The following NSUN6 variants were observed in gnomAD, a reference collection of about 807,000 sequenced individuals.
NSUN6 encodes the protein NOP2/Sun RNA methyltransferase 6.
A neutral mutation model predicts 58.0 loss-of-function variants in NSUN6; 64 were observed. The ratio of observed to expected loss-of-function variants is 1.10; its 90% CI spans 0.90 to 1.36. The LOEUF is 1.36. Among genes scored for constraint, NSUN6 ranks in the 40% most tolerant of loss-of-function variants. The probability of loss-of-function intolerance (pLI) is 0.00; values close to 1 mark genes in which losing one functional copy is unlikely to be tolerated. For synonymous variants in NSUN6, 231 were observed against 193.9 expected (o/e 1.19, Z -1.59); for missense variants, 701 against 550.1 (o/e 1.27, Z -2.74).
chr10:18,585,965 C>G lies in NSUN6; in HGVS notation c.906G>C (p.Met302Ile). 2.5e-6 allele frequency: 4 copies of G among 1,605,624 alleles called. No homozygotes were observed. In the South Asian group the frequency reaches 4.5e-5, roughly 18 times the overall value. ...ATAGCTCACCTTCTGTGTCCTCCAC[C>G]ATATCAAGTTTAACCGCCTTTGTTC... ...FDGTKAVKLD[M>I]VEDTEGEPPF... The change falls in exon 8 of 11, where the codon ATG becomes ATC. Residue 302 changes from methionine (M) to isoleucine (I), a missense_variant. By Grantham distance (10) the Met-to-Ile change is conservative. Transcript: ENST00000377304.
chr10:18,646,239 G>A (rs1010833281), intron 2 of NSUN6, among the ~76,000 whole-genome samples: 9 of 152,108 alleles, frequency 5.9e-5, no homozygotes, highest in African/African-American at 2.2e-4. Context: ...CACAGATATT[G>A]GGGAGAAAAC....
intron 3 of NSUN6, among the ~76,000 whole-genome samples, chr10:18,627,550 G>C (rs191051687): frequency 6.6e-6 from 1 of 152,204 alleles, no homozygotes; most frequent in Non-Finnish European, 1.5e-5. Flanking sequence ...GTCAGTGGGT[G>C]CGCGCACCGT....
chr10:18,608,900 A>G (rs558812715), intron 6 of NSUN6, among the ~76,000 whole-genome samples: 4 of 152,378 alleles, frequency 2.6e-5, no homozygotes, highest in Admixed American at 2.0e-4. Context: ...GTTAGGTTAT[A>G]TATCCTAATG....
In NSUN6 at chr10:18,640,547, T is replaced by C. The variant is rs143296451; in HGVS notation, c.311+1929A>G. Among the ~76,000 whole-genome samples the C allele has an allele frequency of 8.6e-4, 131 of 152,308 alleles. 2 individuals carry two copies. The East Asian group carries it at 0.023, about 27-fold the overall frequency. Reference sequence around the variant, plus strand: ...AAAGATCTGTGATTATGGTCTATTATAGTAGCAGCTAACTGGTCCAAAACT... The same window carrying C: ...AAAGATCTGTGATTATGGTCTATTACAGTAGCAGCTAACTGGTCCAAAACT... On this transcript the variant is annotated intron_variant, in intron 3 of 10. Transcript: ENST00000377304.
At chr10:18,617,185 G>GTTTTTTTTT (rs35698731) in intron 3 of NSUN6, among the ~76,000 whole-genome samples, 1 of 127,666 alleles carries the variant, frequency 7.8e-6, no homozygotes, top group Non-Finnish European at 1.6e-5. Context: ...AGCCTTTCTA[G>GTTTTTTTTT]TTTTTTTTTT....
intron 6 of NSUN6, among the ~76,000 whole-genome samples, chr10:18,607,246 G>A (rs1022088703): frequency 5.9e-5 from 9 of 152,050 alleles, no homozygotes; most frequent in African/African-American, 1.4e-4. Flanking sequence ...TTTCAAATGC[G>A]TTTTATATTA....
intron 2 of NSUN6, among the ~76,000 whole-genome samples, chr10:18,645,410 T>C (rs1165546262): frequency 1.3e-5 from 2 of 152,224 alleles, no homozygotes; most frequent in African/African-American, 2.4e-5. Flanking sequence ...CATGTTAGAC[T>C]TGGGTCCCAC....
chr10:18,600,657 G>A (rs2057768826), intron 6 of NSUN6, among the ~76,000 whole-genome samples: 1 of 151,952 alleles, frequency 6.6e-6, no homozygotes, highest in South Asian at 2.1e-4. Flanking sequence ...GGCCGGTGCA[G>A]TGGCTCATGC....
chr10:18,605,267 T>C (rs1480116212), intron 6 of NSUN6, among the ~76,000 whole-genome samples: 1 of 151,878 alleles, frequency 6.6e-6, no homozygotes, highest in Non-Finnish European at 1.5e-5. Flanking sequence ...AATGGGCTCC[T>C]ACAGGCCAAA....
chr10:18,579,489 A>C (rs1051789605), intron 8 of NSUN6, among the ~76,000 whole-genome samples: 10 of 152,048 alleles, frequency 6.6e-5, no homozygotes, highest in Non-Finnish European at 1.3e-4. Flanking sequence ...TATTCATTAA[A>C]CGCTTTTTCA....
chr10:18,569,018 C>T (rs1187350196), intron 8 of NSUN6, among the ~76,000 whole-genome samples: 1 of 149,260 alleles, frequency 6.7e-6, no homozygotes, highest in Non-Finnish European at 1.5e-5. Flanking sequence ...TATATTCTCC[C>T]TTCCATTACA....
intron 3 of NSUN6, among the ~76,000 whole-genome samples, chr10:18,627,375 T>A (rs1387065383): frequency 6.6e-6 from 1 of 152,148 alleles, no homozygotes; most frequent in Admixed American, 6.5e-5. Flanking sequence ...CTAAATCCCA[T>A]GGAAATGAAA....
intron 2 of NSUN6, among the ~76,000 whole-genome samples, chr10:18,644,953 T>A (rs2059500870): frequency 6.6e-6 from 1 of 150,512 alleles, no homozygotes; most frequent in Non-Finnish European, 1.5e-5. Flanking sequence ...AGGTTAGAGG[T>A]TTGAGACCAG....
chr10:18,611,855 G>A (rs1197402927), intron 5 of NSUN6, among the ~76,000 whole-genome samples: 1 of 152,104 alleles, frequency 6.6e-6, no homozygotes, highest in Admixed American at 6.6e-5. Flanking sequence ...ACGGGTATGA[G>A]CCACCATGCC....
chr10:18,656,141 G>A (rs1008070175), upstream of NSUN6, among the ~76,000 whole-genome samples: 1 of 152,136 alleles, frequency 6.6e-6, no homozygotes, highest in African/African-American at 2.4e-5. Flanking sequence ...TACAGAAGGC[G>A]ATCATATTGA....
chr10:18,597,615 C>T (rs570745847), intron 6 of NSUN6, among the ~76,000 whole-genome samples: 5 of 152,092 alleles, frequency 3.3e-5, no homozygotes, highest in Admixed American at 1.3e-4. Context: ...ACTAAAAATA[C>T]ATTAGCTGGG....
chr10:18,548,329 G>A (rs1363310960), intron 9 of NSUN6, 92 bp from the exon 10 acceptor site: 1 of 1,109,498 alleles, frequency 9.0e-7, no homozygotes, highest in Non-Finnish European at 1.3e-6. Flanking sequence ...TCTTTCAAAT[G>A]TTTGGGATAA....
chr10:18,615,077 G>A (rs1470265309), intron 4 of NSUN6, among the ~76,000 whole-genome samples: 1 of 150,340 alleles, frequency 6.7e-6, no homozygotes, highest in Non-Finnish European at 1.5e-5. Flanking sequence ...GATTAAGGCA[G>A]ACTTTAATGA....
intron 3 of NSUN6, among the ~76,000 whole-genome samples, chr10:18,628,047 G>A (rs1371398192): frequency 2.0e-5 from 3 of 152,208 alleles, no homozygotes; most frequent in East Asian, 3.9e-4. Context: ...CTCCCAGCAC[G>A]CAGCTGGAGA....
Sources: gnomAD v4.1 joint callset for allele counts (sites outside exome capture counted in the v4.1 genomes callset) on GRCh38, gnomAD v4.1.1 for gene constraint, MANE v1.5 for transcripts, NCBI Gene and HGNC (gene_info 2026-07-23, HGNC 2026-07-21) for gene names.